The following ZCWPW2 variants were observed in gnomAD, a reference collection of about 807,000 sequenced individuals.
ZCWPW2 encodes the protein zinc finger CW-type and PWWP domain containing 2, also known as zinc finger CW-type PWWP domain protein 2.
ZCWPW2 carries 45 observed loss-of-function variants against 46.6 expected under a neutral mutation model. The ratio of observed to expected loss-of-function variants is 0.96; its 90% confidence interval spans 0.76 to 1.24. The LOEUF is 1.24. ZCWPW2 is among the 50% of genes most tolerant of loss of function. The pLI is 0.00. For synonymous variants in ZCWPW2, 152 were observed against 137.1 expected, an observed-to-expected ratio of 1.11 and a Z score of -0.76; for missense variants, 429 against 403.9, an observed-to-expected ratio of 1.06 and a Z score of -0.53.
chr3:28,470,873 G>GA (rs1342915411), intron 4 of ZCWPW2, among the ~76,000 whole-genome samples: 2 of 151,246 alleles, frequency 1.3e-5, no homozygotes, highest in East Asian at 1.9e-4. Context: ...GATTAACTAA[G>GA]AAAAAAAGAG....
intron 4 of ZCWPW2, among the ~76,000 whole-genome samples, chr3:28,436,314 C>CTTTTTTTTT (rs896044426): frequency 9.9e-6 from 1 of 101,424 alleles, no homozygotes; most frequent in African/African-American, 4.6e-5. Flanking sequence ...TGAATATTTT[C>CTTTTTTTTT]TTTTTTTTCT....
At chr3:28,357,469 T>C (rs2125690178) in intron 1 of ZCWPW2, among the ~76,000 whole-genome samples, 1 of 152,244 alleles carries the variant, frequency 6.6e-6, no homozygotes, top group African/African-American at 2.4e-5. Flanking sequence ...GATTAGCATT[T>C]GAATAGTAGA....
At chr3:28,466,668 A>G (rs1698835385) in intron 4 of ZCWPW2, among the ~76,000 whole-genome samples, 1 of 152,082 alleles carries the variant, frequency 6.6e-6, no homozygotes, top group Non-Finnish European at 1.5e-5. Context: ...GTGTGGTGGC[A>G]CACACCTTTA....
At chr3:28,401,226 A>G (rs1388822304) in intron 2 of ZCWPW2, among the ~76,000 whole-genome samples, 2 of 152,068 alleles carry the variant, frequency 1.3e-5, no homozygotes, top group South Asian at 2.1e-4. Flanking sequence ...AAAGCAAGGT[A>G]TACAGGTAAC....
chr3:28,499,500 G>T (rs1397503368), intron 6 of ZCWPW2, among the ~76,000 whole-genome samples: 8 of 151,796 alleles, frequency 5.3e-5, no homozygotes, highest in African/African-American at 4.8e-5. Context: ...TGGTTGTTTG[G>T]TTTTTTTCTT....
chr3:28,372,867 C>T (rs1051441754), intron 1 of ZCWPW2, among the ~76,000 whole-genome samples: 3 of 152,278 alleles, frequency 2.0e-5, no homozygotes, highest in Admixed American at 6.5e-5. Context: ...CAAGCGAGAA[C>T]TTGTGGTATT....
intron 4 of ZCWPW2, among the ~76,000 whole-genome samples, chr3:28,473,257 C>T (rs187758633): frequency 1.6e-3 from 244 of 152,266 alleles, no homozygotes; most frequent in African/African-American, 5.7e-3. Context: ...GGTTGTATCA[C>T]TTGAGGTCAG....
intron 4 of ZCWPW2, among the ~76,000 whole-genome samples, chr3:28,470,664 A>T (rs987875413): frequency 2.0e-5 from 3 of 152,078 alleles, no homozygotes; most frequent in Non-Finnish European, 4.4e-5. Flanking sequence ...TAAACAACCT[A>T]ATGATACATT....
Position 28,525,969 on chromosome 3 carries a change from T to A in ZCWPW2, c.*1281T>A, listed in dbSNP as rs962080823. ...ACCAGTAAATAGAAGGCCTGGAAGT[T>A]GAGTACATCTCTGTCAGGTTCCAGA... On this transcript the variant is annotated 3_prime_UTR_variant, in exon 10 of 10. Transcript: ENST00000383768. 1.3e-5 allele frequency among the ~76,000 whole-genome samples: 2 copies of A among 152,164 alleles called. No homozygotes were observed. The highest frequency in any genetic ancestry group is 2.9e-5 in the Non-Finnish European group (2 of 68,018).
At chr3:28,421,834 TTG>T (rs71087697) in intron 3 of ZCWPW2, among the ~76,000 whole-genome samples, 7,666 of 133,796 alleles carry the variant, frequency 0.057, 243 homozygotes, top group African/African-American at 0.067. Flanking sequence ...GGAGAATAGT[TTG>T]TGTGTGTGTG....
intron 1 of ZCWPW2, among the ~76,000 whole-genome samples, chr3:28,355,315 G>A (rs1704690103): frequency 6.6e-6 from 1 of 152,206 alleles, no homozygotes; most frequent in Admixed American, 6.5e-5. Flanking sequence ...CCTCTTCAAG[G>A]AGAATTACAA....
intron 1 of ZCWPW2, among the ~76,000 whole-genome samples, chr3:28,355,693 C>A (rs1704706267): frequency 6.6e-6 from 1 of 152,212 alleles, no homozygotes; most frequent in Non-Finnish European, 1.5e-5. Context: ...AGAAATAATA[C>A]CACACATCTA....
chr3:28,406,875 T>C (rs1486310189), intron 2 of ZCWPW2, among the ~76,000 whole-genome samples: 4 of 149,548 alleles, frequency 2.7e-5, no homozygotes. Flanking sequence ...TCACCCAGGC[T>C]ACACTGCAGT....
intron 1 of ZCWPW2, among the ~76,000 whole-genome samples, chr3:28,353,509 A>G (rs979030274): frequency 6.6e-6 from 1 of 152,234 alleles, no homozygotes; most frequent in Non-Finnish European, 1.5e-5. Context: ...AAGATGCATG[A>G]TGGTAGATTT....
chr3:28,412,127 A>G (rs544547075), intron 2 of ZCWPW2, among the ~76,000 whole-genome samples: 1 of 152,098 alleles, frequency 6.6e-6, no homozygotes, highest in Admixed American at 6.6e-5. Context: ...ATACTTGGAT[A>G]GTATGGTACA....
At chr3:28,485,632 A>C (rs538960085) in intron 5 of ZCWPW2, among the ~76,000 whole-genome samples, 1 of 152,256 alleles carries the variant, frequency 6.6e-6, no homozygotes, top group East Asian at 1.9e-4. Flanking sequence ...CTTTATTATT[A>C]TGTATGACCC....
intron 4 of ZCWPW2, among the ~76,000 whole-genome samples, chr3:28,456,823 A>G (rs1255607451): frequency 6.6e-6 from 1 of 152,196 alleles, no homozygotes; most frequent in Non-Finnish European, 1.5e-5. Flanking sequence ...GATGAAGCCA[A>G]CTTGATCATG....
At chr3:28,440,578 A>G (rs902162634) in intron 4 of ZCWPW2, among the ~76,000 whole-genome samples, 6 of 152,200 alleles carry the variant, frequency 3.9e-5, no homozygotes, top group Non-Finnish European at 8.8e-5. Context: ...CCTAGTTGGC[A>G]TTATAATTGT....
intron 6 of ZCWPW2, among the ~76,000 whole-genome samples, chr3:28,511,933 T>C (rs1230749928): frequency 2.6e-5 from 4 of 152,286 alleles, no homozygotes; most frequent in Admixed American, 2.6e-4. Context: ...ATTGTAATTT[T>C]TTTCATAATC....
Sources: allele counts gnomAD v4.1 joint callset (sites outside exome capture counted in the v4.1 genomes callset), GRCh38; gene constraint gnomAD v4.1.1; transcripts MANE v1.5; gene names NCBI Gene and HGNC (gene_info 2026-07-23, HGNC 2026-07-21).